TRIM54: variants seen among roughly 807,000 people sequenced by gnomAD.
TRIM54 encodes the protein tripartite motif containing 54.
Under a neutral mutation model 42.0 loss-of-function variants are expected in TRIM54, and 40 were observed. The observed-to-expected ratio is 0.95, with a 90% CI of 0.74 to 1.24. TRIM54 has a LOEUF of 1.24. Ranked by LOEUF, TRIM54 falls within the 50% of genes most tolerant of loss-of-function variation. The pLI, the probability that TRIM54 is intolerant of heterozygous loss-of-function variation, is 0.00. For missense variants in TRIM54, 485 were observed against 480.3 expected (o/e 1.01, Z -0.09); for synonymous variants, 199 against 194.9 (o/e 1.02, Z -0.17).
In TRIM54 at chr2:27,306,948, G is replaced by C. The variant is rs1679237543; in HGVS notation, c.*63G>C. 3.6e-6 allele frequency: 1 copy of C among 275,682 alleles called. No homozygotes were observed. 17.1% of individuals were successfully genotyped at this position (275,682 alleles called of 1,614,324 possible). The stretch of plus-strand genomic sequence containing the variant: ...TAGAGTCGGGGAGGATCTGCGCAGA[G>C]ACCGCAGCATCACCCAAATCGGCGC... On this transcript the variant is annotated 3_prime_UTR_variant, in exon 9 of 9. Coordinates refer to ENST00000380075, the MANE Select transcript of TRIM54 (RefSeq NM_187841.3). The surrounding 1 kb of genome is among the most constrained non-coding windows in gnomAD (Gnocchi z 6.1).
In TRIM54 at chr2:27,304,221, T is replaced by TAG. The variant is rs1558590487; in HGVS notation, c.514-737_514-736insGA. ...AGTGAGACCTTGTCTCAAATATATA[T>TAG]ATATAGATAGATAGATAGATAGATA... On this transcript the variant is annotated intron_variant, in intron 3 of 8. Transcript: ENST00000380075. Among the ~76,000 whole-genome samples, 61 of 124,258 alleles carry TAG rather than the reference T, an allele frequency of 4.9e-4. 1 individual carries two copies. The highest frequency in any genetic ancestry group is 9.6e-4 in the Admixed American group (10 of 10,456). The allele number at this position is 124,258 out of a possible 152,430, so 81.5% of individuals were successfully genotyped here. A position where few individuals can be genotyped will look rare whatever the true frequency, so the allele number is the denominator to read the frequency against.
At chr2:27,294,843 T>C (rs565913825) in intron 1 of TRIM54, among the ~76,000 whole-genome samples, 32 of 134,442 alleles carry the variant, frequency 2.4e-4, no homozygotes, top group Middle Eastern at 5.7e-3. Context: ...TGAGCTGAGA[T>C]TGCACCACTG....
chr2:27,288,154 C>T (rs532615167), intron 1 of TRIM54, among the ~76,000 whole-genome samples: 1 of 152,220 alleles, frequency 6.6e-6, no homozygotes, highest in Non-Finnish European at 1.5e-5. Flanking sequence ...TTCTGCCCAC[C>T]GTTTTCCCAA....
In TRIM54 at chr2:27,306,677, CAA is replaced by C; in HGVS notation, c.*1+136_*1+137del. On this transcript the variant is annotated intron_variant, in intron 8 of 8. Transcript: ENST00000380075. The surrounding 1 kb of genome is among the most constrained non-coding windows in gnomAD (Gnocchi z 6.1). ...AGCGTGGAGCCCCCACTCCTCGGTG[CAA>C]CCCAACCCCGGAGCCACAAAGGCGC... 1.0e-6 allele frequency: 1 copy of C among 957,098 alleles called. No individual in the cohort carries two copies. Among genetic ancestry groups the C allele is most frequent in the Non-Finnish European group, 1.5e-6 (1 of 654,640 alleles). The allele number at this position is 957,098 out of a possible 1,614,324, so 59.3% of individuals were successfully genotyped here. A position where few individuals can be genotyped will look rare whatever the true frequency, so the allele number is the denominator to read the frequency against.
rs1678409752 is a variant in TRIM54, at chr2:27,282,508, C to G, written c.-224C>G. ...GAATTTTACAGAGAGAGAGGGATAG[C>G]TAAAACTACGTGAGCCTGGCGAGGG... On this transcript the variant is annotated 5_prime_UTR_variant, in exon 1 of 9. Transcript: ENST00000380075. 4 of 391,244 alleles carry G rather than the reference C, an allele frequency of 1.0e-5. No individual in the cohort carries two copies. The highest frequency in any genetic ancestry group is 1.4e-5 in the Non-Finnish European group (3 of 220,944). 24.2% of individuals were successfully genotyped at this position (391,244 alleles called of 1,614,324 possible).
At position 27,282,532 on chromosome 2, in the gene TRIM54, G is replaced by A; in HGVS notation, c.-200G>A. 2.2e-6 allele frequency: 1 copy of A among 455,904 alleles called. No homozygotes were observed. The allele number at this position is 455,904 out of a possible 1,614,324, so 28.2% of individuals were successfully genotyped here. ...GCTAAAACTACGTGAGCCTGGCGAG[G>A]GTGCAGAGCAGAAAGTAGAGACTGT... On this transcript the variant is annotated 5_prime_UTR_variant, in exon 1 of 9. Coordinates refer to ENST00000380075, the MANE Select transcript of TRIM54 (RefSeq NM_187841.3).
intron 3 of TRIM54, among the ~76,000 whole-genome samples, chr2:27,300,375 G>T (rs1280966745): frequency 6.6e-6 from 1 of 151,632 alleles, no homozygotes; most frequent in Non-Finnish European, 1.5e-5. Flanking sequence ...GCTTCACCAT[G>T]TTGGCCAGGC....
intron 1 of TRIM54, among the ~76,000 whole-genome samples, chr2:27,287,199 TTTTC>T (rs754838135): frequency 7.2e-5 from 11 of 152,146 alleles, no homozygotes; most frequent in South Asian, 4.2e-4. Flanking sequence ...GAAAAGGGTG[TTTTC>T]TTTCTTTCTT....
At position 27,283,784 on chromosome 2, in the gene TRIM54, G is replaced by GCGCGCA. The variant is rs367621533; in HGVS notation, c.168+886_168+887insGCGCAC. Among the ~76,000 whole-genome samples the GCGCGCA allele has an allele frequency of 8.8e-4, 116 of 132,190 alleles. 1 individual carries two copies. The highest frequency in any genetic ancestry group is 1.7e-3 in the South Asian group (7 of 4,038). 86.7% of individuals were successfully genotyped at this position (132,190 alleles called of 152,430 possible). ...CAAAGGCACACACACACACACGCGC[G>GCGCGCA]CACACACACACACACACACACACAC... On this transcript the variant is annotated intron_variant, in intron 1 of 8. Coordinates refer to ENST00000380075, the MANE Select transcript of TRIM54 (RefSeq NM_187841.3).
chr2:27,291,350 T>C (rs773967086), intron 1 of TRIM54, among the ~76,000 whole-genome samples: 1 of 152,190 alleles, frequency 6.6e-6, no homozygotes, highest in Non-Finnish European at 1.5e-5. Context: ...AGTGAAACCC[T>C]GTCGCAAAAC....
At chr2:27,292,781 G>A (rs974294702) in intron 1 of TRIM54, among the ~76,000 whole-genome samples, 5 of 152,036 alleles carry the variant, frequency 3.3e-5, no homozygotes, top group African/African-American at 1.2e-4. Context: ...TCATTTAAGA[G>A]GAATCATACA....
At chr2:27,289,860 CTTTTTT>C (rs756771152) in intron 1 of TRIM54, among the ~76,000 whole-genome samples, 1 of 100,608 alleles carries the variant, frequency 9.9e-6, no homozygotes, top group East Asian at 2.8e-4. Flanking sequence ...CTCTCTTTCT[CTTTTTT>C]TTTTTTTTTT....
At chr2:27,304,275 T>G (rs72860013) in intron 3 of TRIM54, among the ~76,000 whole-genome samples, 55,182 of 139,692 alleles carry the variant, frequency 0.4, 12,454 homozygotes, top group African/African-American at 0.63. Flanking sequence ...TATATATATA[T>G]ATAGATAGAT....
At chr2:27,283,651 C>T (rs1021849738) in intron 1 of TRIM54, among the ~76,000 whole-genome samples, 1 of 151,132 alleles carries the variant, frequency 6.6e-6, no homozygotes, top group South Asian at 2.1e-4. Context: ...GAAATAAAAG[C>T]AGCATATACC....
At chr2:27,288,591 G>A (rs1266450199) in intron 1 of TRIM54, among the ~76,000 whole-genome samples, 1 of 152,176 alleles carries the variant, frequency 6.6e-6, no homozygotes, top group East Asian at 1.9e-4. Context: ...CTGTGGTTCT[G>A]TGTGGTCATT....
chr2:27,291,861 CTG>C lies in TRIM54; in HGVS notation c.169-6705_169-6704del, dbSNP rs1378383911. Among the ~76,000 whole-genome samples, 4 of 152,114 alleles carry C rather than the reference CTG, an allele frequency of 2.6e-5. No individual in the cohort carries two copies. In the East Asian group the frequency reaches 7.7e-4, roughly 29 times the overall value. The stretch of plus-strand genomic sequence containing the variant: ...TGGACTTGTGAATCAGGAGGGGACT[CTG>C]GGACTGGGGGATGAAAGCTACACGC... On this transcript the variant is annotated intron_variant, in intron 1 of 8. Coordinates refer to ENST00000380075, the MANE Select transcript of TRIM54 (RefSeq NM_187841.3).
chr2:27,305,295 G>T, intron 4 of TRIM54: 1 of 588,740 alleles, frequency 1.7e-6, no homozygotes, highest in Non-Finnish European at 3.0e-6. Flanking sequence ...ATAAAACAGT[G>T]ATGATGATAA....
intron 1 of TRIM54, among the ~76,000 whole-genome samples, chr2:27,284,061 A>T (rs1227351863): frequency 6.6e-6 from 1 of 152,066 alleles, no homozygotes; most frequent in Non-Finnish European, 1.5e-5. Context: ...TGAACCCAGG[A>T]GGTGGAGGTT....
intron 1 of TRIM54, among the ~76,000 whole-genome samples, chr2:27,297,004 C>T (rs943707200): frequency 6.6e-6 from 1 of 152,136 alleles, no homozygotes; most frequent in African/African-American, 2.4e-5. Flanking sequence ...AGTGATCTGC[C>T]CACCTCGGCC....
Sources: allele counts gnomAD v4.1 joint callset (sites outside exome capture counted in the v4.1 genomes callset), GRCh38; gene constraint gnomAD v4.1.1; non-coding constraint Gnocchi (gnomAD v3.1); transcripts MANE v1.5; gene names NCBI Gene and HGNC (gene_info 2026-07-23, HGNC 2026-07-21).